NRXN3: variants seen among roughly 807,000 people sequenced by gnomAD.
The protein encoded by NRXN3 is neurexin 3.
In NRXN3, 32 loss-of-function variants were observed where a neutral mutation model predicts 137.6. The ratio of observed to expected loss-of-function variants is 0.23; its 90% CI spans 0.18 to 0.31. NRXN3 has a LOEUF of 0.31. Among genes scored for constraint, NRXN3 ranks in the 10% least tolerant of loss-of-function variants. The pLI is 1.00. For missense variants in NRXN3, 1,574 were observed against 2,062.5 expected, an observed-to-expected ratio of 0.76 and a Z score of 4.59; for synonymous variants, 798 against 784.5, an observed-to-expected ratio of 1.02 and a Z score of -0.29.
chr14:79,338,330 C>G (rs2092404623), intron 15 of NRXN3, among the ~76,000 whole-genome samples: 1 of 151,760 alleles, frequency 6.6e-6, no homozygotes, highest in South Asian at 2.1e-4. Context: ...ATGGTTACTT[C>G]GTGGAGAGGG....
At chr14:79,314,935 C>T (rs1413207148) in intron 15 of NRXN3, among the ~76,000 whole-genome samples, 1 of 152,130 alleles carries the variant, frequency 6.6e-6, no homozygotes, top group Non-Finnish European at 1.5e-5. Context: ...CATCAAAGAC[C>T]AAAAGTAGCA....
intron 4 of NRXN3, among the ~76,000 whole-genome samples, chr14:78,547,025 C>T (rs952833596): frequency 5.3e-5 from 8 of 152,170 alleles, no homozygotes; most frequent in Non-Finnish European, 1.0e-4. Context: ...TCTTTTCCCA[C>T]TGAATTACAT....
rs535699600 is a variant in NRXN3, at chr14:78,562,255, G to T, written c.758-82865G>T. Among the ~76,000 whole-genome samples, 15 of 152,048 alleles carry T rather than the reference G, an allele frequency of 9.9e-5. 1 individual carries two copies. In the South Asian group the frequency reaches 2.9e-3, roughly 30 times the overall value. On this transcript the variant is annotated intron_variant, in intron 4 of 20. Transcript: ENST00000335750. ...TTACTAAAAATACAAAAATTAGTCA[G>T]GTGTGGTGGCACACCCCTGTAGTCC...
At chr14:79,639,948 G>C (rs866592208) in intron 16 of NRXN3, among the ~76,000 whole-genome samples, 1 of 86,026 alleles carries the variant, frequency 1.2e-5, no homozygotes, top group Admixed American at 1.5e-4. Flanking sequence ...CCAAGAAGTG[G>C]TTTCAGTATA....
At chr14:79,824,298 T>C (rs898241564) in intron 20 of NRXN3, among the ~76,000 whole-genome samples, 1 of 152,210 alleles carries the variant, frequency 6.6e-6, no homozygotes, top group Non-Finnish European at 1.5e-5. Flanking sequence ...CATCTGTCAC[T>C]GCAGCTACAA....
chr14:78,865,341 A>G (rs1006529472), intron 10 of NRXN3, among the ~76,000 whole-genome samples: 27 of 152,214 alleles, frequency 1.8e-4, no homozygotes, highest in African/African-American at 6.3e-4. Flanking sequence ...TGTTAACATA[A>G]TAAGTAAAAT....
chr14:79,679,897 A>G (rs927291934), intron 17 of NRXN3, among the ~76,000 whole-genome samples: 4 of 152,156 alleles, frequency 2.6e-5, no homozygotes, highest in Non-Finnish European at 5.9e-5. Context: ...CGTAACTATA[A>G]GTTACTTCTA....
At chr14:79,550,600 G>A (rs906217955) in intron 16 of NRXN3, among the ~76,000 whole-genome samples, 3 of 152,146 alleles carry the variant, frequency 2.0e-5, no homozygotes, top group Non-Finnish European at 4.4e-5. Context: ...GGCATTCACA[G>A]TAGTCCAGAG....
intron 4 of NRXN3, among the ~76,000 whole-genome samples, chr14:78,489,255 G>A (rs770161141): frequency 1.3e-4 from 20 of 152,162 alleles, no homozygotes; most frequent in Non-Finnish European, 2.4e-4. Context: ...CAGACAATCT[G>A]GTTTATGGAC....
At chr14:79,291,994 C>T (rs2083281643) in intron 15 of NRXN3, among the ~76,000 whole-genome samples, 1 of 152,086 alleles carries the variant, frequency 6.6e-6, no homozygotes, top group Non-Finnish European at 1.5e-5. Flanking sequence ...AAGGTAGGCA[C>T]TATTGTTATC....
intron 10 of NRXN3, among the ~76,000 whole-genome samples, chr14:78,889,102 A>G (rs953279229): frequency 4.6e-5 from 7 of 151,998 alleles, no homozygotes; most frequent in African/African-American, 1.4e-4. Flanking sequence ...TTTCTAAATC[A>G]TACATAGCAA....
rs146780515 is a variant in NRXN3, at chr14:78,854,250, C to A, written c.2275+43906C>A. Among the ~76,000 whole-genome samples, 7 of 152,204 alleles carry A rather than the reference C, an allele frequency of 4.6e-5. No homozygotes were observed. The East Asian group carries it at 1.2e-3, about 25-fold the overall frequency. On this transcript the variant is annotated intron_variant, in intron 10 of 20. Coordinates refer to ENST00000335750, the MANE Select transcript of NRXN3 (RefSeq NM_001330195.2). ...TCCCAAGTTTCTGTAACACATGCTT[C>A]GGCCTTGCCAAACATGATTTGCTTT...
intron 15 of NRXN3, among the ~76,000 whole-genome samples, chr14:79,387,039 T>C (rs889523842): frequency 9.1e-4 from 138 of 152,198 alleles, no homozygotes; most frequent in African/African-American, 3.2e-3. Context: ...GACATAGGCA[T>C]GGGCAAGGAC....
At chr14:78,892,066 T>A (rs906121663) in intron 10 of NRXN3, among the ~76,000 whole-genome samples, 1 of 151,936 alleles carries the variant, frequency 6.6e-6, no homozygotes, top group African/African-American at 2.4e-5. Flanking sequence ...TGGCATCACT[T>A]GGGGACTTGT....
intron 15 of NRXN3, among the ~76,000 whole-genome samples, chr14:79,076,958 T>G (rs1028321064): frequency 6.6e-6 from 1 of 152,172 alleles, no homozygotes; most frequent in African/African-American, 2.4e-5. Context: ...AAACTGTGTC[T>G]AGTTTACTAA....
At chr14:78,450,118 A>G (rs1335264293) in intron 4 of NRXN3, among the ~76,000 whole-genome samples, 2 of 152,228 alleles carry the variant, frequency 1.3e-5, no homozygotes, top group African/African-American at 4.8e-5. Context: ...CAAGAAATCC[A>G]TCAATCTGCT....
chr14:78,519,670 G>A (rs1369582068), intron 4 of NRXN3, among the ~76,000 whole-genome samples: 1 of 152,118 alleles, frequency 6.6e-6, no homozygotes, highest in African/African-American at 2.4e-5. Context: ...GTCAGAAATT[G>A]CTAAAGGAGT....
At chr14:78,687,429 A>G (rs1422293709) in intron 6 of NRXN3, among the ~76,000 whole-genome samples, 1 of 152,160 alleles carries the variant, frequency 6.6e-6, no homozygotes, top group African/African-American at 2.4e-5. Context: ...TAAGTAGATG[A>G]GTGTGGGATA....
At chr14:79,012,222 G>A (rs1174466774) in intron 15 of NRXN3, among the ~76,000 whole-genome samples, 4 of 152,174 alleles carry the variant, frequency 2.6e-5, no homozygotes, top group Non-Finnish European at 5.9e-5. Flanking sequence ...CAAAGATTAA[G>A]AGATGGCTGA....
Sources: allele counts gnomAD v4.1 joint callset (sites outside exome capture counted in the v4.1 genomes callset), GRCh38; gene constraint gnomAD v4.1.1; transcripts MANE v1.5; gene names NCBI Gene and HGNC (gene_info 2026-07-23, HGNC 2026-07-21).